TRAPPC9: variants seen among roughly 807,000 people sequenced by gnomAD.
The protein encoded by TRAPPC9 is trafficking protein particle complex subunit 9, also known as IKK2 binding protein.
A neutral mutation model predicts 124.0 loss-of-function variants in TRAPPC9; 83 were observed. That is an observed-to-expected ratio of 0.67 (90% CI 0.56 to 0.80). TRAPPC9 has a LOEUF of 0.80. TRAPPC9 is among the 30% of genes least tolerant of loss of function. The pLI is 0.00. For synonymous variants in TRAPPC9, 638 were observed against 617.5 expected (o/e 1.03, Z -0.49); for missense variants, 1,302 against 1,508.3 (o/e 0.86, Z 2.27).
chr8:139,802,837 C>T (rs1367847190), intron 21 of TRAPPC9, among the ~76,000 whole-genome samples: 2 of 152,000 alleles, frequency 1.3e-5, no homozygotes, highest in African/African-American at 2.4e-5. Context: ...GTATGTGTCA[C>T]GTGTGCATCC....
chr8:140,004,504 T>C (rs1037655772), intron 18 of TRAPPC9, among the ~76,000 whole-genome samples: 2 of 152,164 alleles, frequency 1.3e-5, no homozygotes, highest in Non-Finnish European at 2.9e-5. Flanking sequence ...TGACTGTCAG[T>C]TTCCCCAGTC....
At chr8:140,157,256 C>CTTTCTGTGGA (rs2061667354) in intron 17 of TRAPPC9, among the ~76,000 whole-genome samples, 1 of 21,700 alleles carries the variant, frequency 4.6e-5, no homozygotes, top group African/African-American at 2.1e-4. Context: ...CCTCCCTTTT[C>CTTTCTGTGGA]CATTCAAAAG....
At chr8:140,393,032 T>TTTTTTTTATTTTATTTTATTTTA (rs574235886) in intron 7 of TRAPPC9, among the ~76,000 whole-genome samples, 30 of 138,022 alleles carry the variant, frequency 2.2e-4, no homozygotes, top group South Asian at 4.6e-4. Context: ...TCCCATTTTA[T>TTTTTTTTATTTTATTTTATTTTA]TTTTATTTTA....
chr8:140,244,167 G>A (rs558612108), intron 16 of TRAPPC9, among the ~76,000 whole-genome samples: 9 of 152,318 alleles, frequency 5.9e-5, no homozygotes, highest in Non-Finnish European at 8.8e-5. Flanking sequence ...GTTGGGGACC[G>A]CTGCCCAAAG....
At chr8:140,188,391 C>A (rs778527309) in intron 17 of TRAPPC9, among the ~76,000 whole-genome samples, 7 of 152,208 alleles carry the variant, frequency 4.6e-5, no homozygotes, top group Non-Finnish European at 8.8e-5. Flanking sequence ...CCCTAATGGG[C>A]CCTCGGATTA....
At chr8:139,846,160 A>G (rs1408171547) in intron 21 of TRAPPC9, among the ~76,000 whole-genome samples, 1 of 152,258 alleles carries the variant, frequency 6.6e-6, no homozygotes, top group Non-Finnish European at 1.5e-5. Context: ...ATGGTCAGAC[A>G]GCTCGGCTTG....
intron 21 of TRAPPC9, among the ~76,000 whole-genome samples, chr8:139,799,446 T>C (rs2130664411): frequency 6.6e-6 from 1 of 152,276 alleles, no homozygotes; most frequent in East Asian, 1.9e-4. Context: ...GATAACCCTG[T>C]AGACACATGG....
chr8:140,346,276 A>G (rs1164390559), intron 9 of TRAPPC9, among the ~76,000 whole-genome samples: 2 of 152,200 alleles, frequency 1.3e-5, no homozygotes, highest in African/African-American at 4.8e-5. Flanking sequence ...CAGTTTCTCC[A>G]GGTCATCCCC....
intron 10 of TRAPPC9, among the ~76,000 whole-genome samples, chr8:140,306,215 A>G (rs7002457): frequency 0.65 from 98,765 of 151,974 alleles, 32,465 homozygotes; most frequent in African/African-American, 0.77. Flanking sequence ...AATTATGGAG[A>G]CCAGGCGTGG....
chr8:139,840,997 G>A (rs1405764232), intron 21 of TRAPPC9, among the ~76,000 whole-genome samples: 4 of 152,218 alleles, frequency 2.6e-5, no homozygotes, highest in African/African-American at 9.6e-5. Flanking sequence ...TTTGAAGCAA[G>A]ACAAATTCAC....
intron 15 of TRAPPC9, among the ~76,000 whole-genome samples, chr8:140,274,935 A>G (rs921093326): frequency 6.6e-6 from 1 of 152,072 alleles, no homozygotes; most frequent in Admixed American, 6.5e-5. Context: ...TCCCTTTTTC[A>G]TTCTCTGTCT....
intron 17 of TRAPPC9, among the ~76,000 whole-genome samples, chr8:140,187,059 G>A (rs150423041): frequency 3.1e-4 from 47 of 152,262 alleles, no homozygotes; most frequent in African/African-American, 8.9e-4. Flanking sequence ...GCTTGGGACC[G>A]TAAGTGTTTT....
At chr8:140,447,348 G>A (rs1411789297) in intron 2 of TRAPPC9, among the ~76,000 whole-genome samples, 6 of 152,148 alleles carry the variant, frequency 3.9e-5, no homozygotes, top group Non-Finnish European at 8.8e-5. Flanking sequence ...AGACAGCAGT[G>A]TTTGTTTTTT....
intron 21 of TRAPPC9, among the ~76,000 whole-genome samples, chr8:139,807,040 C>T (rs1456946985): frequency 6.6e-6 from 1 of 152,190 alleles, no homozygotes; most frequent in Non-Finnish European, 1.5e-5. Flanking sequence ...AACCAAGGGC[C>T]CTCAGAGGCA....
intron 9 of TRAPPC9, among the ~76,000 whole-genome samples, chr8:140,355,700 G>A (rs1006011017): frequency 4.6e-5 from 7 of 152,204 alleles, no homozygotes; most frequent in African/African-American, 1.7e-4. Context: ...GACCATGTGA[G>A]GGAGACAAGC....
intron 17 of TRAPPC9, among the ~76,000 whole-genome samples, chr8:140,101,034 T>A (rs1218444701): frequency 6.6e-6 from 1 of 152,250 alleles, no homozygotes; most frequent in Non-Finnish European, 1.5e-5. Context: ...CTTTTCATGT[T>A]TTTGTACATA....
At chr8:140,019,924 G>C (rs983305616) in intron 18 of TRAPPC9, among the ~76,000 whole-genome samples, 2 of 152,026 alleles carry the variant, frequency 1.3e-5, no homozygotes, top group Non-Finnish European at 2.9e-5. Context: ...CACGATCGTA[G>C]GTCACTCAAG....
At chr8:140,272,320 A>G (rs1207917320) in intron 15 of TRAPPC9, among the ~76,000 whole-genome samples, 1 of 133,898 alleles carries the variant, frequency 7.5e-6, no homozygotes, top group Non-Finnish European at 1.6e-5. Context: ...TGGTGGTTAT[A>G]GTGGTGATGG....
chr8:139,801,881 G>C (rs754355391), intron 21 of TRAPPC9, among the ~76,000 whole-genome samples: 1 of 152,156 alleles, frequency 6.6e-6, no homozygotes, highest in Non-Finnish European at 1.5e-5. Flanking sequence ...TGCGCCTCTC[G>C]GTAACCTCCT....
Sources: gnomAD v4.1 joint callset for allele counts (sites outside exome capture counted in the v4.1 genomes callset) on GRCh38, gnomAD v4.1.1 for gene constraint, MANE v1.5 for transcripts, NCBI Gene and HGNC (gene_info 2026-07-23, HGNC 2026-07-21) for gene names.